The following FNDC3A variants were observed in gnomAD, a reference collection of about 807,000 sequenced individuals.
FNDC3A encodes fibronectin type-III domain-containing protein 3A.
Under a neutral mutation model 148.9 loss-of-function variants are expected in FNDC3A, and 32 were observed. That is an observed-to-expected ratio of 0.21 (90% CI 0.16 to 0.29). The LOEUF (loss-of-function observed/expected upper bound fraction) is 0.29, where lower values mean the gene tolerates loss of function less well. FNDC3A is among the 10% of genes least tolerant of loss of function. The probability of loss-of-function intolerance (pLI) is 1.00; values close to 1 mark genes in which losing one functional copy is unlikely to be tolerated. For synonymous variants in FNDC3A, 472 were observed against 473.6 expected (o/e 1.00, Z 0.04); for missense variants, 1,191 against 1,452.8 (o/e 0.82, Z 2.93).
At chr13:49,154,310 G>T (rs1210816055) in intron 8 of FNDC3A, among the ~76,000 whole-genome samples, 2 of 112,588 alleles carry the variant, frequency 1.8e-5, no homozygotes, top group Admixed American at 2.1e-4. Context: ...TCATGATTTG[G>T]CTCTCTGTTT....
At chr13:49,042,624 T>C (rs1875023959) in intron 2 of FNDC3A, among the ~76,000 whole-genome samples, 1 of 151,586 alleles carries the variant, frequency 6.6e-6, no homozygotes, top group Non-Finnish European at 1.5e-5. Flanking sequence ...TAGAAAAAAA[T>C]AATGAGGTAT....
At chr13:49,077,536 A>G (rs1164036609) in intron 3 of FNDC3A, among the ~76,000 whole-genome samples, 2 of 152,252 alleles carry the variant, frequency 1.3e-5, no homozygotes, top group African/African-American at 2.4e-5. Context: ...TTAGCCTGAC[A>G]TTTAAACCTT....
intron 7 of FNDC3A, among the ~76,000 whole-genome samples, chr13:49,143,303 C>T (rs775230461): frequency 2.0e-5 from 3 of 152,090 alleles, no homozygotes; most frequent in Non-Finnish European, 2.9e-5. Flanking sequence ...GCAGGAGGAT[C>T]GCTTGAGCCT....
At chr13:49,025,179 T>C (rs1218785992) in intron 2 of FNDC3A, among the ~76,000 whole-genome samples, 1 of 152,060 alleles carries the variant, frequency 6.6e-6, no homozygotes, top group Non-Finnish European at 1.5e-5. Flanking sequence ...CTACTAGATA[T>C]AATTTATGTT....
chr13:49,121,741 A>G (rs571144554), intron 4 of FNDC3A, among the ~76,000 whole-genome samples: 21 of 152,326 alleles, frequency 1.4e-4, no homozygotes, highest in African/African-American at 4.8e-4. Flanking sequence ...TAAACTAGAA[A>G]ATCTAGAAGA....
At chr13:49,115,774 G>C (rs920776523) in intron 4 of FNDC3A, among the ~76,000 whole-genome samples, 6 of 152,224 alleles carry the variant, frequency 3.9e-5, no homozygotes, top group Admixed American at 3.9e-4. Context: ...TTAGCACACT[G>C]ACTCCTTAAT....
chr13:49,022,714 A>G (rs1337456011), intron 2 of FNDC3A, among the ~76,000 whole-genome samples: 1 of 152,124 alleles, frequency 6.6e-6, no homozygotes, highest in Non-Finnish European at 1.5e-5. Flanking sequence ...CTGGCAAATA[A>G]ATAGTGGTTT....
intron 2 of FNDC3A, among the ~76,000 whole-genome samples, chr13:49,066,078 C>T (rs917184905): frequency 9.2e-5 from 14 of 152,066 alleles, no homozygotes; most frequent in African/African-American, 3.1e-4. Flanking sequence ...ATCTCAGTGA[C>T]AAGATTCTTT....
intron 2 of FNDC3A, among the ~76,000 whole-genome samples, chr13:49,015,757 A>T (rs2137625848): frequency 6.6e-6 from 1 of 151,950 alleles, no homozygotes. Context: ...GATAGCTCTT[A>T]TTATTTTGAA....
chr13:49,044,325 T>A (rs993257328), intron 2 of FNDC3A: 2 of 159,348 alleles, frequency 1.3e-5, no homozygotes, highest in Non-Finnish European at 2.8e-5. Flanking sequence ...AGGGCTTCCA[T>A]TTTCAGTCTT....
chr13:49,101,451 A>C, intron 3 of FNDC3A, among the ~76,000 whole-genome samples: 1 of 152,170 alleles, frequency 6.6e-6, no homozygotes, highest in East Asian at 1.9e-4. Flanking sequence ...TGTACCTCAC[A>C]TCCCATCCTT....
rs1033986002 is a variant in FNDC3A at position 49,189,098 on chromosome 13, T to C, written c.1944+465T>C. 8.5e-5 allele frequency among the ~76,000 whole-genome samples: 13 copies of C among 152,224 alleles called. No individual in the cohort carries two copies. The East Asian group carries it at 2.5e-3, about 29-fold the overall frequency. On this transcript the variant is annotated intron_variant, in intron 17 of 25. Transcript: ENST00000492622. Reference sequence around the variant, plus strand: ...ATTATTAGAGACTCAATAACCAAAATGAACTTAAAATGTACCATTGATATA... The same window carrying C: ...ATTATTAGAGACTCAATAACCAAAACGAACTTAAAATGTACCATTGATATA...
At chr13:49,165,662 G>A (rs894252844) in intron 8 of FNDC3A, among the ~76,000 whole-genome samples, 3 of 152,170 alleles carry the variant, frequency 2.0e-5, no homozygotes, top group African/African-American at 7.2e-5. Flanking sequence ...TAGGCAGCTT[G>A]CTCAGGTGCT....
At chr13:49,049,234 C>G (rs577595428) in intron 2 of FNDC3A, among the ~76,000 whole-genome samples, 212 of 152,134 alleles carry the variant, frequency 1.4e-3, no homozygotes, top group African/African-American at 4.9e-3. Flanking sequence ...GAATTTTTGT[C>G]TCTGTGTTTA....
intron 2 of FNDC3A, among the ~76,000 whole-genome samples, chr13:49,007,344 T>C (rs1331750993): frequency 6.6e-6 from 1 of 152,132 alleles, no homozygotes; most frequent in East Asian, 1.9e-4. Flanking sequence ...TTTTACGTGC[T>C]CTTATCCCAG....
At chr13:49,018,431 G>C (rs1376218923) in intron 2 of FNDC3A, among the ~76,000 whole-genome samples, 1 of 152,000 alleles carries the variant, frequency 6.6e-6, no homozygotes, top group Non-Finnish European at 1.5e-5. Flanking sequence ...CGTAGTTCTC[G>C]AGCGTTGGTT....
intron 2 of FNDC3A, among the ~76,000 whole-genome samples, chr13:49,073,333 G>A (rs1398999015): frequency 6.6e-6 from 1 of 152,042 alleles, no homozygotes; most frequent in African/African-American, 2.4e-5. Flanking sequence ...GATGACACAA[G>A]CAGGTAATTT....
intron 2 of FNDC3A, among the ~76,000 whole-genome samples, chr13:49,058,979 C>T (rs1400560500): frequency 2.0e-5 from 3 of 152,174 alleles, no homozygotes; most frequent in Admixed American, 6.5e-5. Flanking sequence ...TTTCTAAATA[C>T]TGCACCCCTT....
chr13:49,196,370 A>T (rs35697340), intron 19 of FNDC3A, among the ~76,000 whole-genome samples: 559 of 152,348 alleles, frequency 3.7e-3, no homozygotes, highest in Non-Finnish European at 6.3e-3. Flanking sequence ...AAAAGTAATT[A>T]TGAGAAAGTG....
Sources: allele counts gnomAD v4.1 joint callset (sites outside exome capture counted in the v4.1 genomes callset), GRCh38; gene constraint gnomAD v4.1.1; transcripts MANE v1.5; gene names NCBI Gene and HGNC (gene_info 2026-07-23, HGNC 2026-07-21).